The following DLC1 variants were observed in gnomAD, a reference collection of about 807,000 sequenced individuals.
DLC1 encodes DLC1 Rho GTPase activating protein, also known as rho GTPase-activating protein 7.
In DLC1, 54 loss-of-function variants were observed where a neutral mutation model predicts 140.3. That is an observed-to-expected ratio of 0.38 (90% confidence interval 0.31 to 0.48). DLC1 has a LOEUF of 0.48. DLC1 is among the 20% of genes least tolerant of loss of function. The probability of loss-of-function intolerance (pLI) is 0.96; values close to 1 mark genes in which losing one functional copy is unlikely to be tolerated. For synonymous variants in DLC1, 986 were observed against 728.1 expected (o/e 1.35, Z -5.70); for missense variants, 2,536 against 1,907.0 (o/e 1.33, Z -6.14).
chr8:13,567,176 C>T (rs1359227709), intron 1 of DLC1: 2 of 1,551,748 alleles, frequency 1.3e-6, no homozygotes, highest in Non-Finnish European at 1.7e-6. Flanking sequence ...AAGCAGACTC[C>T]AAGCTTGGAA....
chr8:13,383,254 T>A (rs1005694302), intron 4 of DLC1, among the ~76,000 whole-genome samples: 2 of 152,230 alleles, frequency 1.3e-5, no homozygotes, highest in Non-Finnish European at 2.9e-5. Flanking sequence ...TCAGGATTTG[T>A]ATAGACCAGT....
At chr8:13,267,701 G>C (rs758931571) in intron 5 of DLC1, among the ~76,000 whole-genome samples, 17 of 149,012 alleles carry the variant, frequency 1.1e-4, no homozygotes, top group Non-Finnish European at 2.5e-4. Flanking sequence ...ATAAAGAAAA[G>C]TTCTTTGAAG....
intron 2 of DLC1, among the ~76,000 whole-genome samples, chr8:13,466,053 A>T (rs1035969091): frequency 2.6e-5 from 4 of 152,094 alleles, no homozygotes; most frequent in South Asian, 2.1e-4. Flanking sequence ...CACCCCACTG[A>T]TGTCCTCACT....
At chr8:13,466,905 A>G (rs1401066991) in intron 2 of DLC1, among the ~76,000 whole-genome samples, 1 of 151,778 alleles carries the variant, frequency 6.6e-6, no homozygotes, top group South Asian at 2.1e-4. Context: ...AGTCTAATAC[A>G]TCAAATGTCA....
At chr8:13,478,472 T>A (rs931034714) in intron 2 of DLC1, among the ~76,000 whole-genome samples, 1 of 152,212 alleles carries the variant, frequency 6.6e-6, no homozygotes, top group Non-Finnish European at 1.5e-5. Flanking sequence ...ATTCTTCACC[T>A]TCTCTCCTGT....
At chr8:13,122,973 T>C (rs756451941) in intron 5 of DLC1, among the ~76,000 whole-genome samples, 3 of 152,166 alleles carry the variant, frequency 2.0e-5, no homozygotes, top group Non-Finnish European at 4.4e-5. Flanking sequence ...TCACTATTTA[T>C]TGATCCAACT....
intron 5 of DLC1, among the ~76,000 whole-genome samples, chr8:13,146,150 A>G (rs1011790600): frequency 6.6e-6 from 1 of 151,804 alleles, no homozygotes; most frequent in African/African-American, 2.4e-5. Context: ...TCGTGTGTGC[A>G]TGTAGTCCCA....
intron 5 of DLC1, among the ~76,000 whole-genome samples, chr8:13,177,169 C>G (rs1825801760): frequency 6.6e-6 from 1 of 151,986 alleles, no homozygotes. Flanking sequence ...AATGATATAC[C>G]AGCCATTGAG....
At chr8:13,133,979 G>C (rs927687583) in intron 5 of DLC1, among the ~76,000 whole-genome samples, 4 of 152,184 alleles carry the variant, frequency 2.6e-5, no homozygotes, top group Non-Finnish European at 5.9e-5. Flanking sequence ...CACGTGCTGG[G>C]GGTCACAGCC....
chr8:13,312,375 A>AT (rs1380058198), intron 4 of DLC1, among the ~76,000 whole-genome samples: 2 of 135,824 alleles, frequency 1.5e-5, no homozygotes, highest in South Asian at 2.4e-4. Context: ...AAAAAAAAAA[A>AT]AAAAAAAAAA....
At chr8:13,500,240 TA>T (rs143087329) in intron 1 of DLC1, 44 bp from the exon 2 acceptor site, 7,819 of 579,160 alleles carry the variant, frequency 0.014, 68 homozygotes, top group Non-Finnish European at 0.018. Context: ...GATACGTTTC[TA>T]AAGTCAAAAT....
At chr8:13,113,354 G>T (rs1469423244) in intron 6 of DLC1, among the ~76,000 whole-genome samples, 1 of 152,130 alleles carries the variant, frequency 6.6e-6, no homozygotes, top group Non-Finnish European at 1.5e-5. Flanking sequence ...GGAAAAACGG[G>T]GGGAGGCAAT....
chr8:13,500,608 G>C (rs1392729091), intron 1 of DLC1, among the ~76,000 whole-genome samples: 2 of 152,168 alleles, frequency 1.3e-5, no homozygotes, highest in African/African-American at 2.4e-5. Context: ...TTCACTGTTT[G>C]GTTTGAATCA....
chr8:13,326,941 T>G (rs566779990), intron 4 of DLC1, among the ~76,000 whole-genome samples: 5 of 151,936 alleles, frequency 3.3e-5, no homozygotes, highest in Admixed American at 6.6e-5. Flanking sequence ...ACTTGCAGTT[T>G]TTGTTGTTGT....
chr8:13,187,492 T>C (rs1370447830), intron 5 of DLC1, among the ~76,000 whole-genome samples: 3 of 152,194 alleles, frequency 2.0e-5, no homozygotes, highest in Non-Finnish European at 2.9e-5. Flanking sequence ...TAAATTGTGT[T>C]AAAGGAAAAC....
intron 1 of DLC1, among the ~76,000 whole-genome samples, chr8:13,520,007 A>G (rs1802714310): frequency 6.6e-6 from 1 of 152,202 alleles, no homozygotes; most frequent in Non-Finnish European, 1.5e-5. Flanking sequence ...AAATAGGAAC[A>G]CTTTTACACC....
intron 1 of DLC1, among the ~76,000 whole-genome samples, chr8:13,525,292 C>A (rs1239459265): frequency 1.3e-5 from 2 of 152,200 alleles, no homozygotes; most frequent in Non-Finnish European, 2.9e-5. Flanking sequence ...ACAAATCAAG[C>A]TGCTATGAAT....
chr8:13,183,667 G>C (rs976703576), intron 5 of DLC1, among the ~76,000 whole-genome samples: 1 of 152,148 alleles, frequency 6.6e-6, no homozygotes, highest in Admixed American at 6.5e-5. Flanking sequence ...GGATGAAGCT[G>C]AATTGATCGT....
At chr8:13,448,588 C>G (rs1011802825) in intron 2 of DLC1, among the ~76,000 whole-genome samples, 1 of 152,146 alleles carries the variant, frequency 6.6e-6, no homozygotes, top group Non-Finnish European at 1.5e-5. Flanking sequence ...ATCTCAAACT[C>G]CTGACCTCAG....
Sources: gnomAD v4.1 joint callset for allele counts (sites outside exome capture counted in the v4.1 genomes callset) on GRCh38, gnomAD v4.1.1 for gene constraint, MANE v1.5 for transcripts, NCBI Gene and HGNC (gene_info 2026-07-23, HGNC 2026-07-21) for gene names.